Variants in PRAMEF20 observed in about 807,000 individuals in gnomAD.
PRAMEF20 encodes the protein PRAME family member 20, also known as PRAME family member 20/21.
In PRAMEF20, 27 loss-of-function variants were observed where a neutral mutation model predicts 32.4. The observed-to-expected ratio is 0.83, with a 90% CI of 0.61 to 1.15. The LOEUF is 1.15. Among genes scored for constraint, PRAMEF20 ranks in the 50% most tolerant of loss-of-function variants. The pLI is 0.00. For synonymous variants in PRAMEF20, 256 were observed against 235.4 expected (o/e 1.09, Z -0.80); for missense variants, 604 against 584.5 (o/e 1.03, Z -0.34).
chr1:13,421,133 G>A, exon 3 of PRAMEF20: 1 of 1,612,064 alleles, frequency 6.2e-7, no homozygotes, highest in Non-Finnish European at 8.5e-7. Flanking sequence ...CCAACTTGGG[G>A]CTGAGCTGAT....
exon 3 of PRAMEF20, chr1:13,421,099 T>G: frequency 1.9e-6 from 3 of 1,613,838 alleles, no homozygotes; most frequent in Non-Finnish European, 2.5e-6. Flanking sequence ...ATGTTCGTGG[T>G]ATCGTCTGCC....
At chr1:13,412,412 C>T (rs1340183414), upstream of PRAMEF20, among the ~76,000 whole-genome samples, 1 of 151,222 alleles carries the variant, frequency 6.6e-6, no homozygotes, top group Non-Finnish European at 1.5e-5. Flanking sequence ...TTGAACCTTT[C>T]TCCCTCCCCT....
rs1046018191 is a variant in PRAMEF20 at position 13,419,719 on chromosome 1, C to A, written c.867-978C>A. On this transcript the variant is annotated intron_variant, in intron 2 of 2. Coordinates refer to ENST00000602960, the Ensembl canonical transcript of PRAMEF20. Reference sequence around the variant, plus strand: ...GATTACAGGTGTGAGCCACCGCACCCGGCCAAAACAAGATAATTTTTAACA... The same window carrying A: ...GATTACAGGTGTGAGCCACCGCACCAGGCCAAAACAAGATAATTTTTAACA... 2.4e-4 allele frequency among the ~76,000 whole-genome samples: 36 copies of A among 152,134 alleles called. 2 individuals are homozygous for A. The South Asian group carries it at 7.3e-3, about 31-fold the overall frequency.
chr1:13,418,420 A>G, exon 2 of PRAMEF20: 1 of 1,613,966 alleles, frequency 6.2e-7, no homozygotes, highest in South Asian at 1.1e-5. Flanking sequence ...CCACAATATC[A>G]GAAACATCCT....
At chr1:13,413,419 C>T (rs924532305), upstream of PRAMEF20, among the ~76,000 whole-genome samples, 1 of 152,086 alleles carries the variant, frequency 6.6e-6, no homozygotes, top group Non-Finnish European at 1.5e-5. Context: ...GGCTGGAGTG[C>T]AGTGGTACAA....
chr1:13,416,730 G>A, intron 1 of PRAMEF20, 89 bp downstream of exon 2: 2 of 1,604,710 alleles, frequency 1.2e-6, no homozygotes, highest in Non-Finnish European at 1.7e-6. Context: ...GGTCCAAGGA[G>A]GGCCCACAGG....
chr1:13,412,027 ATTTAT>A (rs1482498945), upstream of PRAMEF20, among the ~76,000 whole-genome samples: 3 of 131,948 alleles, frequency 2.3e-5, no homozygotes, highest in South Asian at 2.5e-4. Flanking sequence ...CTTTAATTTA[ATTTAT>A]TTTATTTATT....
upstream of PRAMEF20, among the ~76,000 whole-genome samples, chr1:13,415,755 A>T (rs1190297380): frequency 5.3e-5 from 7 of 131,900 alleles, 1 homozygote; most frequent in African/African-American, 2.0e-4. Context: ...GCACCACTGC[A>T]CTCCAGCCTG....
exon 3 of PRAMEF20, chr1:13,421,227 A>G: frequency 6.2e-7 from 1 of 1,613,882 alleles, no homozygotes; most frequent in Admixed American, 1.7e-5. Context: ...AGGTCACTTT[A>G]CGACCTGGAG....
At chr1:13,412,032 T>C (rs886336668), upstream of PRAMEF20, among the ~76,000 whole-genome samples, 5 of 149,646 alleles carry the variant, frequency 3.3e-5, no homozygotes, top group Non-Finnish European at 7.4e-5. Flanking sequence ...ATTTAATTTA[T>C]TTTATTTATT....
rs900978963 is a variant in PRAMEF20, at chr1:13,421,178, A to G, written c.1348A>G (p.Ile450Val). The change falls in exon 3 of 3, where the codon ATC becomes GTC. Residue 450 changes from isoleucine (I) to valine (V), a missense_variant. Transcript: ENST00000602960. ...GAGGGCCTTAAGGGAGCCCGAGAGG[A>G]TCTTGTTCTGTACCGACTACTGCCC... 1.9e-6 allele frequency: 3 copies of G among 1,613,804 alleles called. No individual in the cohort carries two copies. The South Asian group carries it at 3.3e-5, about 18-fold the overall frequency.
At chr1:13,411,631 G>C (rs1641115343), upstream of PRAMEF20, among the ~76,000 whole-genome samples, 2 of 152,154 alleles carry the variant, frequency 1.3e-5, no homozygotes, top group South Asian at 4.1e-4. Flanking sequence ...TGAAGGTATA[G>C]CTGGCTGGAG....
At chr1:13,420,242 GCT>G (rs1221151725) in intron 2 of PRAMEF20, among the ~76,000 whole-genome samples, 1 of 151,946 alleles carries the variant, frequency 6.6e-6, no homozygotes, top group African/African-American at 2.4e-5. Context: ...ACAGAGTCTC[GCT>G]CTGTCACCCA....
rs968525340 is a variant in PRAMEF20, at chr1:13,420,687, C to G, written c.867-10C>G. ...TTCCCCAGAACTAACTTCCTGCTCT[C>G]TCTCCCCAGCTGTCTAAAGACCTCG... is the stretch of plus-strand genomic sequence containing the variant. On this transcript the variant is annotated splice_polypyrimidine_tract_variant and intron_variant, in intron 2 of 2. Transcript: ENST00000602960. The G allele has an allele frequency of 1.4e-5, 23 of 1,608,784 alleles. No individual in the cohort carries two copies. The highest frequency in any genetic ancestry group is 2.2e-5 in the South Asian group (2 of 90,694).
At chr1:13,416,389 T>C in exon 1 of PRAMEF20, 1 of 1,613,464 alleles carries the variant, frequency 6.2e-7, no homozygotes. Flanking sequence ...CTCCTGGAGC[T>C]GGCGGGGCGG....
intron 2 of PRAMEF20, among the ~76,000 whole-genome samples, chr1:13,419,997 C>G (rs1641225791): frequency 6.6e-6 from 1 of 152,156 alleles, no homozygotes; most frequent in Admixed American, 6.5e-5. Context: ...GCTGATGATA[C>G]AGGCGTGTCA....
chr1:13,417,948 GTGTGTT>G (rs1186747680), intron 1 of PRAMEF20, among the ~76,000 whole-genome samples, 168 bp from the exon 3 acceptor site: 3 of 147,572 alleles, frequency 2.0e-5, no homozygotes, highest in Admixed American at 6.9e-5. Flanking sequence ...GTGTGTGTGT[GTGTGTT>G]TAGTAGAGAC....
At chr1:13,418,079 A>G in intron 1 of PRAMEF20, 43 bp from the exon 3 acceptor site, 1 of 1,611,792 alleles carries the variant, frequency 6.2e-7, no homozygotes, top group Non-Finnish European at 8.5e-7. Flanking sequence ...CAGCCTCAGA[A>G]GTGAGTCCTT....
At chr1:13,419,164 T>C (rs1641215855) in intron 2 of PRAMEF20, among the ~76,000 whole-genome samples, 1 of 152,158 alleles carries the variant, frequency 6.6e-6, no homozygotes, top group African/African-American at 2.4e-5. Flanking sequence ...ATAATTTTTC[T>C]TTTTTTGAGA....
Sources: allele counts gnomAD v4.1 joint callset (sites outside exome capture counted in the v4.1 genomes callset), GRCh38; gene constraint gnomAD v4.1.1; transcripts MANE v1.5; gene names NCBI Gene and HGNC (gene_info 2026-07-23, HGNC 2026-07-21).